AGMO: variants seen among roughly 807,000 people sequenced by gnomAD.
AGMO encodes the protein glyceryl-ether monooxygenase.
In AGMO, 75 loss-of-function variants were observed where a neutral mutation model predicts 60.2. The observed-to-expected ratio is 1.25, with a 90% confidence interval of 1.03 to 1.51. The LOEUF (loss-of-function observed/expected upper bound fraction) is 1.51, where lower values mean the gene tolerates loss of function less well. Ranked by LOEUF, AGMO falls within the 40% of genes most tolerant of loss-of-function variation. The probability of loss-of-function intolerance (pLI) is 0.00; values close to 1 mark genes in which losing one functional copy is unlikely to be tolerated. For missense variants in AGMO, 763 were observed against 525.5 expected (o/e 1.45, Z -4.42); for synonymous variants, 261 against 177.1 (o/e 1.47, Z -3.76).
At chr7:15,216,804 A>ATAAGTGCAAGAAAC (rs1781750520) in intron 12 of AGMO, among the ~76,000 whole-genome samples, 1 of 151,144 alleles carries the variant, frequency 6.6e-6, no homozygotes, top group African/African-American at 2.4e-5. Context: ...ACGTTCCTAT[A>ATAAGTGCAAGAAAC]TAAGTGCAAG....
At chr7:15,383,029 A>G (rs1055206934) in intron 10 of AGMO, among the ~76,000 whole-genome samples, 1 of 151,816 alleles carries the variant, frequency 6.6e-6, no homozygotes, top group African/African-American at 2.4e-5. Context: ...GTTGTTCTTC[A>G]TAGACCATGA....
chr7:15,155,373 G>A, the AGMO span, among the ~76,000 whole-genome samples: 20 of 141,860 alleles, frequency 1.4e-4, no homozygotes, highest in African/African-American at 5.0e-4. Flanking sequence ...CCTTCCTCAG[G>A]TTGGTCTATT....
intron 12 of AGMO, among the ~76,000 whole-genome samples, chr7:15,257,566 T>C (rs1244041256): frequency 6.6e-6 from 1 of 152,222 alleles, no homozygotes; most frequent in Non-Finnish European, 1.5e-5. Context: ...TTTGCAATTT[T>C]TCCCCTCTGA....
chr7:15,502,217 G>A (rs1311095601), intron 3 of AGMO, among the ~76,000 whole-genome samples: 1 of 151,868 alleles, frequency 6.6e-6, no homozygotes. Context: ...AAATTTCTCT[G>A]ATTCTTTTGC....
chr7:15,370,856 G>T (rs930124597), intron 10 of AGMO, among the ~76,000 whole-genome samples: 4 of 152,142 alleles, frequency 2.6e-5, no homozygotes, highest in Non-Finnish European at 5.9e-5. Flanking sequence ...TTACTCTGTT[G>T]ATAGTTTCTT....
chr7:15,480,874 G>T (rs1458152635), intron 3 of AGMO, among the ~76,000 whole-genome samples: 12 of 149,748 alleles, frequency 8.0e-5, no homozygotes, highest in Admixed American at 7.9e-4. Flanking sequence ...TGGCCATGGT[G>T]AGTCACTAAT....
intron 3 of AGMO, among the ~76,000 whole-genome samples, chr7:15,471,896 A>G (rs1447556739): frequency 1.3e-5 from 2 of 151,928 alleles, no homozygotes; most frequent in African/African-American, 4.8e-5. Context: ...GAAACAATTC[A>G]GATTTCACTC....
At chr7:15,230,351 T>C (rs532269744) in intron 12 of AGMO, among the ~76,000 whole-genome samples, 5 of 151,900 alleles carry the variant, frequency 3.3e-5, no homozygotes, top group South Asian at 2.1e-4. Flanking sequence ...AAAAAAAAAA[T>C]TACCCATAAA....
chr7:15,463,659 T>G (rs890036627), intron 3 of AGMO, among the ~76,000 whole-genome samples: 9 of 152,120 alleles, frequency 5.9e-5, no homozygotes, highest in African/African-American at 1.9e-4. Context: ...TTCAATGTAC[T>G]GCTTGAGCCA....
At chr7:15,198,270 AGAGTGT>A (rs1563030559), downstream of AGMO, among the ~76,000 whole-genome samples, 6 of 113,132 alleles carry the variant, frequency 5.3e-5, no homozygotes, top group African/African-American at 1.8e-4. Context: ...AGACAGAGAG[AGAGTGT>A]GTTAAAGTCC....
At chr7:15,340,988 C>T (rs560583638) in intron 12 of AGMO, among the ~76,000 whole-genome samples, 3 of 152,152 alleles carry the variant, frequency 2.0e-5, no homozygotes, top group African/African-American at 4.8e-5. Flanking sequence ...GGTGCTGTAC[C>T]CTGTAAAACC....
intron 12 of AGMO, among the ~76,000 whole-genome samples, chr7:15,235,093 T>C (rs1248065296): frequency 6.6e-6 from 1 of 152,076 alleles, no homozygotes; most frequent in Non-Finnish European, 1.5e-5. Context: ...ATTCTGCAAA[T>C]CTATAGAAAA....
In AGMO at chr7:15,335,182, G is replaced by A. The variant is rs1431507006; in HGVS notation, c.1263+30332C>T. ...AAATCAGCTGAAGTGATGATGGCATGAGTTTTCAGTGGGTTAGGATTAGAT... is the reference window on the plus strand; with the variant it reads ...AAATCAGCTGAAGTGATGATGGCATAAGTTTTCAGTGGGTTAGGATTAGAT... On this transcript the variant is annotated intron_variant, in intron 12 of 12. Transcript: ENST00000342526. Among the ~76,000 whole-genome samples, 3 of 152,262 alleles carry A rather than the reference G, an allele frequency of 2.0e-5. No individual in the cohort carries two copies. In the East Asian group the frequency reaches 5.8e-4, roughly 29 times the overall value.
chr7:15,470,619 C>T (rs932518056), intron 3 of AGMO, among the ~76,000 whole-genome samples: 1 of 151,874 alleles, frequency 6.6e-6, no homozygotes, highest in African/African-American at 2.4e-5. Flanking sequence ...TCCCTCAAAC[C>T]CTTACAATGC....
intron 5 of AGMO, among the ~76,000 whole-genome samples, chr7:15,404,331 G>A (rs938910828): frequency 1.3e-5 from 2 of 151,876 alleles, no homozygotes; most frequent in Non-Finnish European, 2.9e-5. Context: ...GACAAGAGCA[G>A]GACAAGTTAG....
At chr7:15,169,150 G>A in the AGMO span, among the ~76,000 whole-genome samples, 6 of 152,186 alleles carry the variant, frequency 3.9e-5, no homozygotes, top group Non-Finnish European at 5.9e-5. Flanking sequence ...GAGGGAGACC[G>A]AAGTCCCTGA....
intron 12 of AGMO, among the ~76,000 whole-genome samples, chr7:15,262,056 T>C (rs1041160447): frequency 6.6e-6 from 1 of 151,924 alleles, no homozygotes; most frequent in East Asian, 1.9e-4. Context: ...TGGAGAAAAG[T>C]TGAAAGCATT....
At chr7:15,324,549 T>C (rs997493692) in intron 12 of AGMO, among the ~76,000 whole-genome samples, 1 of 152,088 alleles carries the variant, frequency 6.6e-6, no homozygotes, top group Non-Finnish European at 1.5e-5. Flanking sequence ...GCCCCAGGGT[T>C]TTGCCTTTCT....
At position 15,223,090 on chromosome 7, in the gene AGMO, T is replaced by TC. The variant is rs1486967276; in HGVS notation, c.1264-21732dup. The stretch of plus-strand genomic sequence containing the variant: ...TTTTATATTTAATTCAAACACCACT[T>TC]CAAGATTTATGTGTAGATAAATCAT... On this transcript the variant is annotated intron_variant, in intron 12 of 12. Coordinates refer to ENST00000342526, the MANE Select transcript of AGMO (RefSeq NM_001004320.2). 1.1e-3 allele frequency among the ~76,000 whole-genome samples: 162 copies of TC among 152,094 alleles called. 2 individuals are homozygous for TC. Among genetic ancestry groups the TC allele is most frequent in the Non-Finnish European group, 7.4e-5 (5 of 67,868 alleles).
Sources: allele counts gnomAD v4.1 joint callset (sites outside exome capture counted in the v4.1 genomes callset), GRCh38; gene constraint gnomAD v4.1.1; transcripts MANE v1.5; gene names NCBI Gene and HGNC (gene_info 2026-07-23, HGNC 2026-07-21).